The following PCDH15 variants were observed in gnomAD, a reference collection of about 807,000 sequenced individuals.
The protein encoded by PCDH15 is protocadherin related 15.
Under a neutral mutation model 178.5 loss-of-function variants are expected in PCDH15, and 129 were observed. The observed-to-expected ratio is 0.72, with a 90% CI of 0.63 to 0.84. The LOEUF is 0.84. Among genes scored for constraint, PCDH15 ranks in the 40% least tolerant of loss-of-function variants. The probability of loss-of-function intolerance (pLI) is 0.00; values close to 1 mark genes in which losing one functional copy is unlikely to be tolerated. For missense variants in PCDH15, 2,230 were observed against 2,099.9 expected, an observed-to-expected ratio of 1.06 and a Z score of -1.21; for synonymous variants, 800 against 732.0, an observed-to-expected ratio of 1.09 and a Z score of -1.50.
At chr10:55,566,077 G>A (rs1389261240) in intron 2 of PCDH15, among the ~76,000 whole-genome samples, 1 of 151,466 alleles carries the variant, frequency 6.6e-6, no homozygotes, top group Non-Finnish European at 1.5e-5. Context: ...AAGTTATTAA[G>A]CAGCAGATTA....
chr10:54,458,769 C>G (rs986951294), intron 3 of PCDH15, among the ~76,000 whole-genome samples: 6 of 152,094 alleles, frequency 3.9e-5, no homozygotes, highest in African/African-American at 1.2e-4. Flanking sequence ...GTAAAAACAA[C>G]GTATTCAGGG....
At chr10:54,081,879 G>A (rs2094441797) in intron 16 of PCDH15, among the ~76,000 whole-genome samples, 2 of 151,946 alleles carry the variant, frequency 1.3e-5, no homozygotes, top group South Asian at 2.1e-4. Context: ...GCCACAAAAC[G>A]TCAAAAAATC....
chr10:54,169,903 T>C (rs1280028060), intron 13 of PCDH15, among the ~76,000 whole-genome samples: 19 of 151,296 alleles, frequency 1.3e-4, no homozygotes, highest in African/African-American at 3.2e-4. Context: ...CTGCGCCTTA[T>C]CAACCAAATT....
intron 2 of PCDH15, among the ~76,000 whole-genome samples, chr10:55,392,329 A>G (rs1837813327): frequency 6.6e-6 from 1 of 152,232 alleles, no homozygotes; most frequent in African/African-American, 2.4e-5. Context: ...GAAATGCAAT[A>G]GTTGCAAAGT....
At chr10:54,425,751 T>A (rs1352032185) in intron 3 of PCDH15, among the ~76,000 whole-genome samples, 1 of 152,214 alleles carries the variant, frequency 6.6e-6, no homozygotes, top group East Asian at 1.9e-4. Context: ...TTGTGACACA[T>A]GACCTTTCTT....
rs184677611 is a variant in PCDH15 at position 55,226,947 on chromosome 10, G to A, written c.-155-60296C>T. On this transcript the variant is annotated intron_variant, in intron 1 of 5. Transcript: ENST00000458638. ...TAAGTAAATACATAGAAAATGGAAAGTGGAAATGATGGACAAGAGATTAAC... is the reference window on the plus strand; with the variant it reads ...TAAGTAAATACATAGAAAATGGAAAATGGAAATGATGGACAAGAGATTAAC... Among the ~76,000 whole-genome samples, 76 of 152,086 alleles carry A rather than the reference G, an allele frequency of 5.0e-4. No homozygotes were observed. The East Asian group carries it at 0.013, about 26-fold the overall frequency.
Position 53,805,890 on chromosome 10 carries a change from G to T in PCDH15, c.*689C>A, listed in dbSNP as rs1245127039. The T allele has an allele frequency of 6.6e-6, 1 of 152,032 alleles. No homozygotes were observed. Among genetic ancestry groups the T allele is most frequent in the Non-Finnish European group, 1.5e-5 (1 of 67,988 alleles). The allele number at this position is 152,032 out of a possible 1,614,324, so 9.4% of individuals were successfully genotyped here. On this transcript the variant is annotated 3_prime_UTR_variant, in exon 38 of 38. Transcript: ENST00000644397. The stretch of plus-strand genomic sequence containing the variant: ...AAAGTATCTACCATATTTGATATGA[G>T]ATGAAGGGACAAGAGAATATTGTAA...
At chr10:53,911,781 C>T (rs1315848436) in intron 25 of PCDH15, among the ~76,000 whole-genome samples, 1 of 152,120 alleles carries the variant, frequency 6.6e-6, no homozygotes, top group Non-Finnish European at 1.5e-5. Context: ...ATAACAGGCT[C>T]TGAAATTGAG....
chr10:54,129,962 G>T (rs918169740), intron 15 of PCDH15, among the ~76,000 whole-genome samples: 2 of 152,112 alleles, frequency 1.3e-5, no homozygotes, highest in Admixed American at 6.6e-5. Context: ...TGCAAATGGT[G>T]GTGGGGTGGG....
At chr10:54,483,290 T>C (rs940677731) in intron 3 of PCDH15, among the ~76,000 whole-genome samples, 4 of 151,848 alleles carry the variant, frequency 2.6e-5, no homozygotes, top group Non-Finnish European at 5.9e-5. Flanking sequence ...TACAACATGG[T>C]ATGTGTTTAA....
chr10:54,382,292 T>C lies in PCDH15; in HGVS notation c.158-3350A>G, dbSNP rs543443162. On this transcript the variant is annotated intron_variant, in intron 3 of 37. Coordinates refer to ENST00000644397, the MANE Select transcript of PCDH15 (RefSeq NM_001384140.1). ...CAGAAAAATAACTTTGCAGCTTCTT[T>C]TTATGTACTTCCTGATTCTCAAGAG... Among the ~76,000 whole-genome samples the C allele has an allele frequency of 5.9e-5, 9 of 152,262 alleles. No homozygotes were observed. The South Asian group carries it at 1.9e-3, about 32-fold the overall frequency.
intron 2 of PCDH15, among the ~76,000 whole-genome samples, chr10:55,064,571 T>C (rs574299170): frequency 1.0e-3 from 157 of 152,138 alleles, no homozygotes; most frequent in African/African-American, 3.5e-3. Flanking sequence ...GCACCTCTGA[T>C]TCTTAAAATA....
intron 2 of PCDH15, among the ~76,000 whole-genome samples, chr10:55,130,413 G>A (rs888073562): frequency 7.9e-5 from 12 of 152,138 alleles, no homozygotes; most frequent in Non-Finnish European, 1.8e-4. Context: ...ACATGTGGCT[G>A]GATCTGAATG....
intron 28 of PCDH15, among the ~76,000 whole-genome samples, chr10:53,843,573 T>C (rs2077791642): frequency 6.6e-6 from 1 of 152,074 alleles, no homozygotes; most frequent in African/African-American, 2.4e-5. Flanking sequence ...TTACCTTTTA[T>C]AACTTTCTTC....
At chr10:55,578,561 C>A (rs371532955) in intron 2 of PCDH15, among the ~76,000 whole-genome samples, 1 of 152,178 alleles carries the variant, frequency 6.6e-6, no homozygotes, top group African/African-American at 2.4e-5. Context: ...ATGTGTCATT[C>A]ATTATATTTA....
chr10:55,434,603 TG>T (rs1838988620), intron 2 of PCDH15, among the ~76,000 whole-genome samples: 1 of 108,842 alleles, frequency 9.2e-6, no homozygotes, highest in East Asian at 3.4e-4. Flanking sequence ...TACAAAGTCA[TG>T]ACATTAATTT....
chr10:55,480,948 T>G (rs1486915057), intron 2 of PCDH15, among the ~76,000 whole-genome samples: 2 of 151,810 alleles, frequency 1.3e-5, no homozygotes, highest in African/African-American at 2.4e-5. Flanking sequence ...AGAATTCAGC[T>G]GTGAATCCAT....
intron 17 of PCDH15, among the ~76,000 whole-genome samples, chr10:54,067,458 A>T (rs1328769413): frequency 6.6e-6 from 1 of 152,232 alleles, no homozygotes; most frequent in Non-Finnish European, 1.5e-5. Flanking sequence ...CAGCTTACGG[A>T]AATGGTATGC....
intron 5 of PCDH15, among the ~76,000 whole-genome samples, chr10:54,348,250 A>G (rs1284952623): frequency 6.6e-6 from 1 of 152,224 alleles, no homozygotes; most frequent in African/African-American, 2.4e-5. Flanking sequence ...GGAAAAGAAT[A>G]TAATTATGAC....
Sources: allele counts gnomAD v4.1 joint callset (sites outside exome capture counted in the v4.1 genomes callset), GRCh38; gene constraint gnomAD v4.1.1; transcripts MANE v1.5; gene names NCBI Gene and HGNC (gene_info 2026-07-23, HGNC 2026-07-21).